The following CEP350 variants were observed in gnomAD, a reference collection of about 807,000 sequenced individuals.
The protein encoded by CEP350 is centrosomal protein 350, also known as centrosome-associated protein 350.
CEP350 carries 126 observed loss-of-function variants against 331.8 expected under a neutral mutation model. That is an observed-to-expected ratio of 0.38 (90% CI 0.33 to 0.44). The LOEUF (loss-of-function observed/expected upper bound fraction) is 0.44, where lower values mean the gene tolerates loss of function less well. Among genes scored for constraint, CEP350 ranks in the 20% least tolerant of loss-of-function variants. The probability of loss-of-function intolerance (pLI) is 1.00; values close to 1 mark genes in which losing one functional copy is unlikely to be tolerated. For synonymous variants in CEP350, 1,200 were observed against 1,259.5 expected (o/e 0.95, Z 1.00); for missense variants, 3,406 against 3,634.6 (o/e 0.94, Z 1.62).
chr1:180,031,801 CT>C (rs1208986742), intron 15 of CEP350, among the ~76,000 whole-genome samples: 2 of 152,062 alleles, frequency 1.3e-5, no homozygotes, highest in Non-Finnish European at 2.9e-5. Context: ...TTGGCTCAAT[CT>C]TTTGACTAAG....
intron 27 of CEP350, among the ~76,000 whole-genome samples, chr1:180,074,461 A>G (rs567081340): frequency 1.6e-4 from 25 of 152,320 alleles, no homozygotes; most frequent in African/African-American, 6.0e-4. Flanking sequence ...ACCACTTGAC[A>G]TTGTATCTCT....
intron 21 of CEP350, among the ~76,000 whole-genome samples, chr1:180,047,214 C>T (rs1657174695): frequency 6.6e-6 from 1 of 152,008 alleles, no homozygotes; most frequent in Non-Finnish European, 1.5e-5. Flanking sequence ...TGCTGAGGAT[C>T]CTAAGTATAT....
At chr1:180,044,235 A>G (rs1656967485) in intron 21 of CEP350, 62 bp downstream of exon 21, 1 of 1,404,716 alleles carries the variant, frequency 7.1e-7, no homozygotes, top group South Asian at 1.5e-5. Context: ...TGGCTTAAAC[A>G]TTGCTTTCTT....
intron 1 of CEP350, among the ~76,000 whole-genome samples, chr1:179,966,545 A>G (rs946425234): frequency 6.6e-6 from 1 of 152,198 alleles, no homozygotes; most frequent in Non-Finnish European, 1.5e-5. Flanking sequence ...AACTTAGCCA[A>G]TGATTTTTCC....
At chr1:180,045,874 A>G (rs562095570) in intron 21 of CEP350, among the ~76,000 whole-genome samples, 1 of 152,296 alleles carries the variant, frequency 6.6e-6, no homozygotes, top group South Asian at 2.1e-4. Flanking sequence ...GTCCATCTCT[A>G]GCCCCATCTC....
intron 14 of CEP350, among the ~76,000 whole-genome samples, chr1:180,027,088 A>G (rs1047873666): frequency 2.0e-5 from 3 of 152,190 alleles, no homozygotes; most frequent in South Asian, 2.1e-4. Flanking sequence ...ACAGGGTTCT[A>G]TTTTGTCTAC....
At chr1:180,013,271 C>A (rs1483733505) in intron 9 of CEP350, among the ~76,000 whole-genome samples, 3 of 152,094 alleles carry the variant, frequency 2.0e-5, no homozygotes, top group African/African-American at 7.2e-5. Flanking sequence ...GATAAACTTA[C>A]CTGAACATGG....
At chr1:179,971,411 C>T (rs1447867233) in intron 1 of CEP350, among the ~76,000 whole-genome samples, 1 of 152,116 alleles carries the variant, frequency 6.6e-6, no homozygotes, top group Non-Finnish European at 1.5e-5. Flanking sequence ...GCAGTCTTGA[C>T]GTTTAAGGCT....
intron 33 of CEP350, among the ~76,000 whole-genome samples, chr1:180,091,218 G>A (rs1660178737): frequency 1.3e-5 from 2 of 150,304 alleles, no homozygotes; most frequent in South Asian, 2.1e-4. Context: ...GGGTCTCACC[G>A]TTGTTGCCCA....
chr1:180,052,841 G>A (rs1657599496), intron 22 of CEP350, 129 bp from the exon 23 acceptor site: 1 of 428,160 alleles, frequency 2.3e-6, no homozygotes, highest in Non-Finnish European at 4.2e-6. Context: ...ATTATTTCAT[G>A]TCTATTTATT....
intron 27 of CEP350, among the ~76,000 whole-genome samples, chr1:180,072,130 G>A (rs1658932553): frequency 6.6e-6 from 1 of 152,106 alleles, no homozygotes; most frequent in South Asian, 2.1e-4. Flanking sequence ...ATATAAGGAT[G>A]TATTTATATT....
At chr1:179,979,626 C>A (rs1446223389) in intron 1 of CEP350, among the ~76,000 whole-genome samples, 1 of 151,760 alleles carries the variant, frequency 6.6e-6, no homozygotes, top group Admixed American at 6.6e-5. Flanking sequence ...TTTACTAGAC[C>A]AGTGCCCTGA....
chr1:179,958,508 A>G (rs779734128), intron 1 of CEP350, among the ~76,000 whole-genome samples: 35 of 152,324 alleles, frequency 2.3e-4, no homozygotes, highest in South Asian at 1.0e-3. Flanking sequence ...AGTTGTTAAC[A>G]GGTTTCAGGG....
chr1:179,993,001 C>A (rs1298699921), intron 5 of CEP350, among the ~76,000 whole-genome samples: 1 of 150,702 alleles, frequency 6.6e-6, no homozygotes, highest in African/African-American at 2.4e-5. Flanking sequence ...ATTTTACATA[C>A]CTTGAGAGAT....
intron 1 of CEP350, among the ~76,000 whole-genome samples, chr1:179,982,187 C>T (rs547277895): frequency 3.2e-4 from 49 of 152,154 alleles, no homozygotes; most frequent in Non-Finnish European, 6.8e-4. Context: ...ACCTCAGAAG[C>T]ACTTCCTTGC....
At chr1:180,077,060 A>G (rs1040143079) in intron 28 of CEP350, among the ~76,000 whole-genome samples, 8 of 152,162 alleles carry the variant, frequency 5.3e-5, no homozygotes, top group African/African-American at 1.9e-4. Context: ...ATTAAAAGCT[A>G]TAAGGAGTGA....
chr1:180,080,476 A>G (rs761606714), intron 29 of CEP350, 41 bp from the exon 30 acceptor site: 6 of 1,568,670 alleles, frequency 3.8e-6, no homozygotes, highest in Middle Eastern at 1.7e-4. Context: ...TTTTACAATT[A>G]TATCAAAAAA....
At chr1:180,016,883 AAAC>A (rs1558102636) in intron 11 of CEP350, among the ~76,000 whole-genome samples, 48 of 152,002 alleles carry the variant, frequency 3.2e-4, no homozygotes, top group African/African-American at 1.0e-3. Flanking sequence ...GGCAGGTCTT[AAAC>A]TCCTGACCTC....
intron 27 of CEP350, among the ~76,000 whole-genome samples, chr1:180,071,351 C>T (rs1658879897): frequency 7.0e-6 from 1 of 142,996 alleles, no homozygotes; most frequent in Non-Finnish European, 1.5e-5. Flanking sequence ...CCCAGCTACT[C>T]AAGAGGCTGA....
Sources: allele counts gnomAD v4.1 joint callset (sites outside exome capture counted in the v4.1 genomes callset), GRCh38; gene constraint gnomAD v4.1.1; transcripts MANE v1.5; gene names NCBI Gene and HGNC (gene_info 2026-07-23, HGNC 2026-07-21).